AKAP6: variants seen among roughly 807,000 people sequenced by gnomAD.
AKAP6 encodes A-kinase anchor protein 6.
AKAP6 carries 58 observed loss-of-function variants against 188.5 expected under a neutral mutation model. That is an observed-to-expected ratio of 0.31 (90% CI 0.25 to 0.38). AKAP6 has a LOEUF of 0.38. Among genes scored for constraint, AKAP6 ranks in the 10% least tolerant of loss-of-function variants. The pLI is 1.00. For synonymous variants in AKAP6, 989 were observed against 998.6 expected, an observed-to-expected ratio of 0.99 and a Z score of 0.18; for missense variants, 2,710 against 2,740.0, an observed-to-expected ratio of 0.99 and a Z score of 0.24.
intron 5 of AKAP6, among the ~76,000 whole-genome samples, chr14:32,589,119 G>T (rs529648301): frequency 2.0e-5 from 3 of 152,294 alleles, no homozygotes; most frequent in Non-Finnish European, 2.9e-5. Flanking sequence ...AAGACCAGCA[G>T]CTGTCATTTG....
At position 32,821,577 on chromosome 14, in the gene AKAP6, G is replaced by C. The variant is rs780694878; in HGVS notation, c.3764G>C (p.Ser1255Thr). Residue 1255 changes from serine to threonine, a missense_variant, in exon 13 of 14, where the codon AGT becomes ACT. Ser to Thr is a moderately conservative substitution (Grantham distance 58, BLOSUM62 1). Around this residue, in one of 2 missense-constraint regions of AKAP6, gnomAD observed 2,473 missense variants for 2,426.1 expected, o/e 1.02. Transcript: ENST00000280979. ...VIPSLKLGET[S>T]NEDPGYDEEA... is the part of the protein sequence containing the mutation. ...CCTTCCTTGAAGCTTGGAGAGACAA[G>C]TAATGAGGACCCTGGTTATGACGAG... The C allele has an allele frequency of 1.2e-6, 2 of 1,613,698 alleles. No individual in the cohort carries two copies. Among genetic ancestry groups the C allele is most frequent in the Non-Finnish European group, 1.7e-6 (2 of 1,179,828 alleles).
chr14:32,371,962 C>T (rs1413571157), intron 1 of AKAP6, among the ~76,000 whole-genome samples: 1 of 151,776 alleles, frequency 6.6e-6, no homozygotes, highest in Non-Finnish European at 1.5e-5. Flanking sequence ...TCTTTCTTCT[C>T]TCCTTCTCCC....
chr14:32,454,011 T>C (rs1205284172), intron 2 of AKAP6, among the ~76,000 whole-genome samples: 1 of 152,244 alleles, frequency 6.6e-6, no homozygotes, highest in Non-Finnish European at 1.5e-5. Context: ...CTGTCTGTCT[T>C]TGGCTCATCT....
intron 7 of AKAP6, among the ~76,000 whole-genome samples, chr14:32,605,890 A>G (rs1325300645): frequency 6.6e-6 from 1 of 152,228 alleles, no homozygotes; most frequent in East Asian, 1.9e-4. Flanking sequence ...GAAGCATAAT[A>G]GAAAATCTAA....
chr14:32,744,490 G>T (rs1411149381), intron 11 of AKAP6, among the ~76,000 whole-genome samples: 1 of 151,788 alleles, frequency 6.6e-6, no homozygotes, highest in Non-Finnish European at 1.5e-5. Context: ...CCAATTCTTT[G>T]TATCTTTGGT....
At chr14:32,809,826 A>G (rs2034179217) in intron 12 of AKAP6, among the ~76,000 whole-genome samples, 1 of 152,202 alleles carries the variant, frequency 6.6e-6, no homozygotes, top group South Asian at 2.1e-4. Flanking sequence ...CAGTAATCGC[A>G]GCCATGACAT....
At chr14:32,352,649 G>A (rs987189657) in intron 1 of AKAP6, among the ~76,000 whole-genome samples, 7 of 152,128 alleles carry the variant, frequency 4.6e-5, no homozygotes, top group African/African-American at 1.2e-4. Flanking sequence ...AAATGAGTGC[G>A]ATCATGTTGT....
intron 7 of AKAP6, among the ~76,000 whole-genome samples, chr14:32,601,829 G>A (rs1885938306): frequency 6.6e-6 from 1 of 152,196 alleles, no homozygotes; most frequent in African/African-American, 2.4e-5. Context: ...AGGCAGAGGA[G>A]AAACCCATCC....
chr14:32,586,595 C>T (rs1885262218), intron 5 of AKAP6, among the ~76,000 whole-genome samples: 1 of 152,208 alleles, frequency 6.6e-6, no homozygotes, highest in Non-Finnish European at 1.5e-5. Flanking sequence ...TGCGTCACTG[C>T]ACTCCAGCCT....
chr14:32,750,327 A>G (rs576552131), intron 11 of AKAP6, among the ~76,000 whole-genome samples: 154 of 152,164 alleles, frequency 1.0e-3, no homozygotes, highest in Non-Finnish European at 1.8e-3. Flanking sequence ...TTGATATTAT[A>G]TAATCTTAGA....
At chr14:32,742,062 G>T (rs2031704871) in intron 11 of AKAP6, among the ~76,000 whole-genome samples, 2 of 151,620 alleles carry the variant, frequency 1.3e-5, no homozygotes, top group Non-Finnish European at 2.9e-5. Context: ...CTTGTTATTG[G>T]TCTCTTCAGG....
At chr14:32,473,538 A>T (rs538092435) in intron 2 of AKAP6, among the ~76,000 whole-genome samples, 118 of 152,218 alleles carry the variant, frequency 7.8e-4, no homozygotes, top group Admixed American at 1.3e-3. Context: ...AGAAAGAGAG[A>T]AAGGAAGAAG....
In AKAP6 at chr14:32,340,071, G is replaced by A. The variant is rs547877683; in HGVS notation, c.-35+10663G>A. Among the ~76,000 whole-genome samples, 18 of 151,560 alleles carry A rather than the reference G, an allele frequency of 1.2e-4. No individual in the cohort carries two copies. In the South Asian group the frequency reaches 3.3e-3, roughly 28 times the overall value. On this transcript the variant is annotated intron_variant, in intron 1 of 13. Coordinates refer to ENST00000280979, the MANE Select transcript of AKAP6 (RefSeq NM_004274.5). ...AAAAGACAAGCAATATCCAAAAGCA[G>A]TAGAAAGACATCTTGGGAGAAGGCA...
At chr14:32,400,533 A>C (rs1889048826) in intron 1 of AKAP6, among the ~76,000 whole-genome samples, 1 of 116,698 alleles carries the variant, frequency 8.6e-6, no homozygotes, top group Non-Finnish European at 1.7e-5. Context: ...TGGCGGCAGG[A>C]GTATTTCAAG....
At chr14:32,547,138 A>G (rs1401712838) in intron 4 of AKAP6, 139 bp downstream of exon 4, 5 of 909,372 alleles carry the variant, frequency 5.5e-6, no homozygotes, top group African/African-American at 1.7e-5. Flanking sequence ...AAGAAAAGAA[A>G]AAGCACAATG....
chr14:32,494,699 G>A (rs143627372), intron 2 of AKAP6, among the ~76,000 whole-genome samples: 2 of 152,172 alleles, frequency 1.3e-5, no homozygotes, highest in Non-Finnish European at 2.9e-5. Flanking sequence ...AAATTGCTCC[G>A]TAAAACAGCT....
intron 5 of AKAP6, among the ~76,000 whole-genome samples, chr14:32,580,705 C>A (rs973373626): frequency 6.6e-6 from 1 of 151,702 alleles, no homozygotes; most frequent in Non-Finnish European, 1.5e-5. Context: ...CCTCCCCACT[C>A]CCCCCACCCC....
At chr14:32,820,967 G>A (rs1322693055) in intron 12 of AKAP6, among the ~76,000 whole-genome samples, 1 of 147,450 alleles carries the variant, frequency 6.8e-6, no homozygotes, top group East Asian at 2.0e-4. Flanking sequence ...AGTTTGCCAT[G>A]TGTGGCTGCA....
chr14:32,715,811 T>G (rs1279267344), intron 9 of AKAP6, among the ~76,000 whole-genome samples: 1 of 151,810 alleles, frequency 6.6e-6, no homozygotes, highest in Non-Finnish European at 1.5e-5. Flanking sequence ...ATTCAATGTT[T>G]CATATAGTGA....
Sources: allele counts gnomAD v4.1 joint callset (sites outside exome capture counted in the v4.1 genomes callset), GRCh38; gene constraint gnomAD v4.1.1; regional missense constraint gnomAD v4.1.1; transcripts MANE v1.5; gene names NCBI Gene and HGNC (gene_info 2026-07-23, HGNC 2026-07-21).